TENM3: variants seen among roughly 807,000 people sequenced by gnomAD.
The protein encoded by TENM3 is teneurin-3.
In TENM3, 63 loss-of-function variants were observed where a neutral mutation model predicts 255.1. The ratio of observed to expected loss-of-function variants is 0.25; its 90% CI spans 0.20 to 0.30. The LOEUF (loss-of-function observed/expected upper bound fraction) is 0.30. Ranked by LOEUF, TENM3 falls within the 10% of genes least tolerant of loss-of-function variation. TENM3 has a pLI of 1.00. For synonymous variants in TENM3, 1,306 were observed against 1,322.3 expected (o/e 0.99, Z 0.27); for missense variants, 2,929 against 3,461.1 (o/e 0.85, Z 3.86).
At chr4:181,583,945 C>T in the TENM3 span, among the ~76,000 whole-genome samples, 6 of 152,188 alleles carry the variant, frequency 3.9e-5, no homozygotes, top group South Asian at 2.1e-4. Context: ...TTGTTACATA[C>T]TCTCATAGCC....
the TENM3 span, among the ~76,000 whole-genome samples, chr4:181,729,821 T>G: frequency 6.6e-6 from 1 of 152,184 alleles, no homozygotes. Flanking sequence ...ACAGGAGACA[T>G]GGCCAAGTCC....
At chr4:181,959,801 G>T in the TENM3 span, among the ~76,000 whole-genome samples, 7 of 152,102 alleles carry the variant, frequency 4.6e-5, no homozygotes, top group Admixed American at 1.3e-4. Context: ...TGGAGTTTTG[G>T]CAGGTAGTAG....
intron 3 of TENM3, among the ~76,000 whole-genome samples, chr4:182,502,063 G>A (rs566580375): frequency 6.6e-6 from 1 of 152,288 alleles, no homozygotes; most frequent in South Asian, 2.1e-4. Context: ...TCACTTGTAT[G>A]GAAACTCACT....
intron 4 of TENM3, among the ~76,000 whole-genome samples, chr4:182,621,795 T>TA (rs1750281354): frequency 3.0e-5 from 1 of 33,446 alleles, no homozygotes; most frequent in East Asian, 1.3e-3. Flanking sequence ...ATATATATAA[T>TA]ATATAATATA....
the TENM3 span, among the ~76,000 whole-genome samples, chr4:181,754,748 T>G: frequency 6.6e-6 from 1 of 152,202 alleles, no homozygotes; most frequent in Admixed American, 6.5e-5. Flanking sequence ...ACTACAGTCA[T>G]GACTCTCGTT....
At chr4:181,986,130 C>T in the TENM3 span, among the ~76,000 whole-genome samples, 1 of 152,022 alleles carries the variant, frequency 6.6e-6, no homozygotes, top group Non-Finnish European at 1.5e-5. Context: ...ATGGCTCTGC[C>T]CACATCTTCC....
chr4:182,453,774 C>CT (rs1561463523), intron 3 of TENM3, among the ~76,000 whole-genome samples: 1 of 152,024 alleles, frequency 6.6e-6, no homozygotes, highest in Admixed American at 6.5e-5. Context: ...TATGCCTTTT[C>CT]TTTTAAATAA....
chr4:182,080,535 A>G, the TENM3 span, among the ~76,000 whole-genome samples: 5 of 152,218 alleles, frequency 3.3e-5, no homozygotes, highest in Middle Eastern at 3.2e-3. Flanking sequence ...TATTGTTTAA[A>G]TTGTTCAGTA....
chr4:182,777,279 G>A (rs1462482693), intron 24 of TENM3, among the ~76,000 whole-genome samples: 2 of 152,086 alleles, frequency 1.3e-5, no homozygotes, highest in African/African-American at 2.4e-5. Flanking sequence ...ATTTAGCTAT[G>A]TGCCTGTCAC....
chr4:182,701,499 C>T lies in TENM3; in HGVS notation c.2222-12588C>T, dbSNP rs148614960. Among the ~76,000 whole-genome samples, 999 of 151,958 alleles carry T rather than the reference C, an allele frequency of 6.6e-3. 13 individuals are homozygous for T. The highest frequency in any genetic ancestry group is 0.023 in the African/African-American group (963 of 41,420). On this transcript the variant is annotated intron_variant, in intron 12 of 27. Coordinates refer to ENST00000511685, the MANE Select transcript of TENM3 (RefSeq NM_001080477.4). ...CCTCCCAATATGCTGGGATTACAGGCGTGAGCCACTGCACCTGGCCCCAAC... is the reference window on the plus strand; with the variant it reads ...CCTCCCAATATGCTGGGATTACAGGTGTGAGCCACTGCACCTGGCCCCAAC...
chr4:181,775,060 G>T, the TENM3 span, among the ~76,000 whole-genome samples: 23 of 152,112 alleles, frequency 1.5e-4, no homozygotes, highest in Non-Finnish European at 3.4e-4. Context: ...AAGTCCTTCA[G>T]CTGAGTCATA....
Position 182,723,255 on chromosome 4 carries a change from C to T in TENM3, c.2369-5710C>T, listed in dbSNP as rs571619612. Among the ~76,000 whole-genome samples, 8 of 152,222 alleles carry T rather than the reference C, an allele frequency of 5.3e-5. No homozygotes were observed. The South Asian group carries it at 1.7e-3, about 32-fold the overall frequency. On this transcript the variant is annotated intron_variant, in intron 13 of 27. Transcript: ENST00000511685. ...TGTGGAAACCTAGCATGATCCCAAT[C>T]CAGAAATGAATGCATATTTCAGTTT...
chr4:181,559,717 A>G, the TENM3 span, among the ~76,000 whole-genome samples: 1 of 152,242 alleles, frequency 6.6e-6, no homozygotes, highest in Non-Finnish European at 1.5e-5. Flanking sequence ...TCACGCCTGC[A>G]TCATTCTGCT....
chr4:181,774,003 G>GTTTT, the TENM3 span, among the ~76,000 whole-genome samples: 1,149 of 89,732 alleles, frequency 0.013, 2 homozygotes, highest in Non-Finnish European at 0.018. Context: ...TGGTGGCTGT[G>GTTTT]TTTTTTTTTT....
chr4:182,362,749 G>C (rs1488372566), intron 3 of TENM3, among the ~76,000 whole-genome samples: 2 of 152,254 alleles, frequency 1.3e-5, no homozygotes, highest in South Asian at 2.1e-4. Flanking sequence ...CCCACTGTCT[G>C]GCACTCCCTA....
chr4:182,774,656 A>T (rs977031014), intron 23 of TENM3, among the ~76,000 whole-genome samples: 2 of 152,192 alleles, frequency 1.3e-5, no homozygotes, highest in Non-Finnish European at 2.9e-5. Flanking sequence ...CTCTCATTTC[A>T]TCAGGCAAAT....
the TENM3 span, among the ~76,000 whole-genome samples, chr4:181,802,830 C>A: frequency 6.6e-6 from 1 of 152,056 alleles, no homozygotes; most frequent in African/African-American, 2.4e-5. Context: ...CCTTAAATTC[C>A]GTTTTATGCA....
the TENM3 span, among the ~76,000 whole-genome samples, chr4:181,470,562 C>T: frequency 1.8e-3 from 278 of 152,172 alleles, no homozygotes; most frequent in Non-Finnish European, 2.9e-3. Flanking sequence ...TATATGAGCC[C>T]GTGCTGATTG....
At chr4:181,470,108 TA>T in the TENM3 span, among the ~76,000 whole-genome samples, 5,077 of 112,754 alleles carry the variant, frequency 0.045, 296 homozygotes, top group African/African-American at 0.14. Flanking sequence ...ATAGCTTCTG[TA>T]AAAAAAAAAA....
Sources: allele counts gnomAD v4.1 joint callset (sites outside exome capture counted in the v4.1 genomes callset), GRCh38; gene constraint gnomAD v4.1.1; transcripts MANE v1.5; gene names NCBI Gene and HGNC (gene_info 2026-07-23, HGNC 2026-07-21).